MECOM: variants seen among roughly 807,000 people sequenced by gnomAD.
MECOM encodes the protein histone-lysine N-methyltransferase MECOM.
Under a neutral mutation model 116.3 loss-of-function variants are expected in MECOM, and 13 were observed. The ratio of observed to expected loss-of-function variants is 0.11; its 90% CI spans 0.07 to 0.18. The LOEUF (loss-of-function observed/expected upper bound fraction) is 0.18, where lower values mean the gene tolerates loss of function less well. Among genes scored for constraint, MECOM ranks in the 10% least tolerant of loss-of-function variants. The probability of loss-of-function intolerance (pLI) is 1.00; values close to 1 mark genes in which losing one functional copy is unlikely to be tolerated. For missense variants in MECOM, 1,299 were observed against 1,509.0 expected (o/e 0.86, Z 2.31); for synonymous variants, 528 against 535.2 (o/e 0.99, Z 0.19).
At chr3:169,647,757 T>C (rs1549037) in intron 1 of MECOM, among the ~76,000 whole-genome samples, 80,435 of 151,978 alleles carry the variant, frequency 0.53, 22,687 homozygotes, top group African/African-American at 0.73. Context: ...TATACATATG[T>C]CATCTTATGT....
intron 2 of MECOM, among the ~76,000 whole-genome samples, chr3:169,271,093 C>T (rs182271252): frequency 6.6e-6 from 1 of 152,258 alleles, no homozygotes; most frequent in Non-Finnish European, 1.5e-5. Flanking sequence ...GAGTCAATTC[C>T]CATGGTATAA....
At chr3:169,614,297 A>T (rs964605882) in intron 1 of MECOM, among the ~76,000 whole-genome samples, 1 of 151,664 alleles carries the variant, frequency 6.6e-6, no homozygotes, top group Non-Finnish European at 1.5e-5. Context: ...TTCCTCCCTC[A>T]CTTAAACAGA....
chr3:169,116,018 C>T lies in MECOM; in HGVS notation c.1854G>A (p.Met618Ile). The T allele has an allele frequency of 6.2e-7, 1 of 1,614,052 alleles. No homozygotes were observed. Among genetic ancestry groups the T allele is most frequent in the Non-Finnish European group, 8.5e-7 (1 of 1,179,994 alleles). ...GAAGAGGGCTTACTTTGTCTTTGAA[C>T]ATTTTACCATTTTCTTTAAATTTCT... Reference protein sequence around the residue: ...DKEKFKENGKMFKDKVSPLQN... With the variant: ...DKEKFKENGKIFKDKVSPLQN... Residue 618 changes from methionine (M) to isoleucine (I), a missense_variant, in exon 8 of 17, where the codon ATG becomes ATA. Around this residue, in one of 6 missense-constraint regions of MECOM, gnomAD observed 238 missense variants for 273.1 expected, o/e 0.87. Transcript: ENST00000651503.
At chr3:169,357,788 T>C (rs965180895) in intron 2 of MECOM, among the ~76,000 whole-genome samples, 2 of 150,992 alleles carry the variant, frequency 1.3e-5, no homozygotes, top group African/African-American at 2.4e-5. Flanking sequence ...AAAGAAAAGA[T>C]AAATGAATGA....
At chr3:169,363,249 G>T (rs1419341721) in intron 2 of MECOM, among the ~76,000 whole-genome samples, 2 of 151,872 alleles carry the variant, frequency 1.3e-5, no homozygotes, top group Admixed American at 6.6e-5. Flanking sequence ...CTAAACTTTA[G>T]GGGAAATGTA....
chr3:169,337,114 C>G (rs1004638250), intron 2 of MECOM, among the ~76,000 whole-genome samples: 27 of 152,124 alleles, frequency 1.8e-4, no homozygotes, highest in African/African-American at 6.0e-4. Flanking sequence ...AAAATAACTA[C>G]TTATGTGAAA....
At chr3:169,624,793 A>C (rs1035142961) in intron 1 of MECOM, among the ~76,000 whole-genome samples, 1 of 152,106 alleles carries the variant, frequency 6.6e-6, no homozygotes, top group Non-Finnish European at 1.5e-5. Flanking sequence ...AGCCAGACAC[A>C]CTGTCTGGTG....
chr3:169,511,610 G>A (rs115379176), intron 1 of MECOM, among the ~76,000 whole-genome samples: 4,103 of 151,950 alleles, frequency 0.027, 174 homozygotes, highest in African/African-American at 0.094. Flanking sequence ...TTAAAAATAC[G>A]AAAATTAGCT....
At chr3:169,391,774 C>G (rs1195635629) in intron 1 of MECOM, among the ~76,000 whole-genome samples, 5 of 152,000 alleles carry the variant, frequency 3.3e-5, no homozygotes, top group Admixed American at 2.0e-4. Flanking sequence ...CATAGACTAC[C>G]AAACTATGTA....
chr3:169,254,983 A>G (rs1437251990), intron 2 of MECOM, among the ~76,000 whole-genome samples: 1 of 152,134 alleles, frequency 6.6e-6, no homozygotes, highest in Non-Finnish European at 1.5e-5. Context: ...GAGCATGGCC[A>G]CCACTTCCAA....
chr3:169,409,930 CTT>C (rs1341227598), intron 1 of MECOM, among the ~76,000 whole-genome samples: 3 of 152,188 alleles, frequency 2.0e-5, no homozygotes, highest in Non-Finnish European at 4.4e-5. Context: ...ACTTGTTTCT[CTT>C]TTCTGACAAG....
chr3:169,571,607 G>A (rs999388493), intron 1 of MECOM, among the ~76,000 whole-genome samples: 8 of 152,208 alleles, frequency 5.3e-5, no homozygotes, highest in Admixed American at 5.2e-4. Context: ...CAAGGCTACA[G>A]TAACCAAAAC....
At chr3:169,208,347 T>G (rs952012392) in intron 2 of MECOM, among the ~76,000 whole-genome samples, 3 of 149,402 alleles carry the variant, frequency 2.0e-5, no homozygotes, top group Non-Finnish European at 4.4e-5. Context: ...TAGCAAAAGA[T>G]TTGGGTACAT....
chr3:169,466,566 T>C (rs1748336279), intron 1 of MECOM, among the ~76,000 whole-genome samples: 14 of 152,228 alleles, frequency 9.2e-5, no homozygotes, highest in Admixed American at 9.2e-4. Flanking sequence ...AGTGTGCTTG[T>C]CACTCTGTGT....
At chr3:169,332,790 T>G (rs1345521203) in intron 2 of MECOM, among the ~76,000 whole-genome samples, 1 of 152,182 alleles carries the variant, frequency 6.6e-6, no homozygotes, top group Non-Finnish European at 1.5e-5. Context: ...ATTTATTGGT[T>G]TCCTATACTT....
intron 1 of MECOM, among the ~76,000 whole-genome samples, chr3:169,383,498 G>A (rs1461997324): frequency 6.6e-6 from 1 of 152,104 alleles, no homozygotes; most frequent in Non-Finnish European, 1.5e-5. Context: ...CTTCCAAACT[G>A]TTCAGTCACT....
Position 169,127,824 on chromosome 3 carries a change from T to C in MECOM, c.830+20A>G. ...CAGAAAAAATACACAAGTTGTATGG[T>C]ACAACATGCCATTTCTAACCTTTGC... is the stretch of plus-strand genomic sequence containing the variant. On this transcript the variant is annotated intron_variant, in intron 5 of 16. Coordinates refer to ENST00000651503, the MANE Select transcript of MECOM (RefSeq NM_004991.4). 1 of 1,603,224 alleles carries C rather than the reference T, an allele frequency of 6.2e-7. No homozygotes were observed. Among genetic ancestry groups the C allele is most frequent in the African/African-American group, 1.3e-5 (1 of 74,802 alleles).
chr3:169,199,649 C>T (rs538655714), intron 2 of MECOM, among the ~76,000 whole-genome samples: 9 of 152,052 alleles, frequency 5.9e-5, no homozygotes, highest in East Asian at 1.9e-4. Context: ...CTGTGAGTTA[C>T]GTTACACATG....
chr3:169,172,384 T>C (rs1744552393), intron 2 of MECOM, among the ~76,000 whole-genome samples: 1 of 151,256 alleles, frequency 6.6e-6, no homozygotes, highest in South Asian at 2.1e-4. Context: ...TTTCACTTCA[T>C]TTACTTCCGC....
Sources: allele counts gnomAD v4.1 joint callset (sites outside exome capture counted in the v4.1 genomes callset), GRCh38; gene constraint gnomAD v4.1.1; regional missense constraint gnomAD v4.1.1; transcripts MANE v1.5; gene names NCBI Gene and HGNC (gene_info 2026-07-23, HGNC 2026-07-21).